FBP2: variants seen among roughly 807,000 people sequenced by gnomAD.
FBP2 encodes the protein fructose-bisphosphatase 2.
In FBP2, 27 loss-of-function variants were observed where a neutral mutation model predicts 31.6. The observed-to-expected ratio is 0.85, with a 90% CI of 0.63 to 1.18. The LOEUF is 1.18. Ranked by LOEUF, FBP2 falls within the 50% of genes most tolerant of loss-of-function variation. The pLI is 0.00. For synonymous variants in FBP2, 168 were observed against 179.8 expected (o/e 0.93, Z 0.53); for missense variants, 421 against 436.1 (o/e 0.97, Z 0.31).
intron 6 of FBP2, among the ~76,000 whole-genome samples, chr9:94,561,352 A>ACTT (rs1827097696): frequency 3.8e-4 from 21 of 54,990 alleles, no homozygotes; most frequent in Middle Eastern, 0.018. Context: ...TGTGACCTGT[A>ACTT]TTTTTTTTTT....
intron 3 of FBP2, among the ~76,000 whole-genome samples, chr9:94,582,972 G>A (rs1009152986): frequency 6.7e-6 from 1 of 150,034 alleles, no homozygotes; most frequent in Non-Finnish European, 1.5e-5. Context: ...TCCTGTCTCA[G>A]CCTCCTGAGT....
intron 1 of FBP2, among the ~76,000 whole-genome samples, chr9:94,587,949 C>G (rs539489717): frequency 6.6e-6 from 1 of 152,114 alleles, no homozygotes; most frequent in African/African-American, 2.4e-5. Flanking sequence ...CCTGGGCTCA[C>G]GCCGTTCTCC....
rs1174386595 is a variant in FBP2 at position 94,561,352 on chromosome 9, ATTTTTTTTTTTT to A, written c.825+1978_825+1989del. 5.5e-5 allele frequency among the ~76,000 whole-genome samples: 3 copies of A among 54,990 alleles called. 1 individual carries two copies. Among genetic ancestry groups the A allele is most frequent in the Middle Eastern group, 0.036 (2 of 56 alleles). The allele number at this position is 54,990 out of a possible 152,430, so 36.1% of individuals were successfully genotyped here. A position where few individuals can be genotyped will look rare whatever the true frequency, so the allele number is the denominator to read the frequency against. On this transcript the variant is annotated intron_variant, in intron 6 of 6. Transcript: ENST00000375337. ...GCAGGCCATGTGACATGTGACCTGT[ATTTTTTTTTTTT>A]TTTTTTTTTTTTTTTTGAGATGGAA...
chr9:94,560,586 A>G (rs1827082858), intron 6 of FBP2, among the ~76,000 whole-genome samples: 1 of 151,972 alleles, frequency 6.6e-6, no homozygotes, highest in African/African-American at 2.4e-5. Flanking sequence ...TGACCCAGCT[A>G]TGTGCAGCCT....
At chr9:94,572,283 T>C (rs1415610692) in intron 3 of FBP2, among the ~76,000 whole-genome samples, 1 of 152,104 alleles carries the variant, frequency 6.6e-6, no homozygotes, top group Admixed American at 6.6e-5. Flanking sequence ...ATGGGGACTC[T>C]TAGCTGCTAC....
Position 94,571,496 on chromosome 9 carries a change from G to A in FBP2, c.533C>T (p.Thr178Ile). 1.2e-6 allele frequency: 2 copies of A among 1,613,850 alleles called. No individual in the cohort carries two copies. Among genetic ancestry groups the A allele is most frequent in the Non-Finnish European group, 8.5e-7 (1 of 1,179,888 alleles). ...YGSATLVALS[T>I]GQGVDLFMLD... Reference sequence around the variant, plus strand: ...CATGAAGAGGTCCACGCCTTGCCCTGTGGAGAGAGCCACCAGGGTTGCACT... The same window carrying A: ...CATGAAGAGGTCCACGCCTTGCCCTATGGAGAGAGCCACCAGGGTTGCACT... The change falls in exon 4 of 7, where the codon ACA (threonine) becomes ATA (isoleucine). Residue 178 changes from threonine (T) to isoleucine (I), a missense_variant. Transcript: ENST00000375337.
chr9:94,568,682 CTG>C (rs1396078497), intron 4 of FBP2: 2 of 152,218 alleles, frequency 1.3e-5, no homozygotes, highest in Non-Finnish European at 2.9e-5. Flanking sequence ...AGAGGTGACA[CTG>C]TCCCTGTCAG....
intron 1 of FBP2, among the ~76,000 whole-genome samples, chr9:94,590,088 C>A (rs560580962): frequency 6.6e-6 from 1 of 152,136 alleles, no homozygotes; most frequent in East Asian, 1.9e-4. Context: ...CCCCTGCACC[C>A]TCTCTCCAGG....
At chr9:94,565,364 A>C (rs9657694) in intron 5 of FBP2, among the ~76,000 whole-genome samples, 17 of 117,118 alleles carry the variant, frequency 1.5e-4, no homozygotes, top group Non-Finnish European at 2.6e-4. Flanking sequence ...GCAAGACTCC[A>C]CCTCAAAAAA....
intron 1 of FBP2, among the ~76,000 whole-genome samples, chr9:94,591,286 C>T (rs879704576): frequency 6.6e-6 from 1 of 152,240 alleles, no homozygotes; most frequent in Non-Finnish European, 1.5e-5. Flanking sequence ...CGAGCCCTGC[C>T]CCGCGGGAAG....
chr9:94,568,376 T>C (rs1827224211), intron 4 of FBP2: 2 of 152,188 alleles, frequency 1.3e-5, no homozygotes, highest in South Asian at 2.1e-4. Context: ...CTGCAGGGCA[T>C]CTCTCAAATA....
At chr9:94,563,590 G>T in intron 5 of FBP2, 129 bp from the exon 6 acceptor site, 1 of 998,186 alleles carries the variant, frequency 1.0e-6, no homozygotes. Flanking sequence ...CACTAGTGTA[G>T]GAATTGAAAA....
In FBP2 at chr9:94,571,475, A is replaced by T; in HGVS notation, c.554T>A (p.Phe185Tyr). Residue 185 changes from phenylalanine (F) to tyrosine (Y), a missense_variant, in exon 4 of 7, where the codon TTC (phenylalanine) becomes TAC (tyrosine). Coordinates refer to ENST00000375337, the MANE Select transcript of FBP2 (RefSeq NM_003837.4). ...ALSTGQGVDL[F>Y]MLDPALGEFV... ...TTCTGTACCTACCGGGTCAAGCATG[A>T]AGAGGTCCACGCCTTGCCCTGTGGA... is the stretch of plus-strand genomic sequence containing the variant. 2 of 1,612,262 alleles carry T rather than the reference A, an allele frequency of 1.2e-6. No homozygotes were observed. Among genetic ancestry groups the T allele is most frequent in the Admixed American group, 1.7e-5 (1 of 59,908 alleles).
intron 3 of FBP2, among the ~76,000 whole-genome samples, chr9:94,572,702 CACACACACACAACACACACATGAGTTT>C (rs1302493074): frequency 2.0e-5 from 3 of 151,834 alleles, no homozygotes; most frequent in Non-Finnish European, 2.9e-5. Flanking sequence ...ATTTAATTCA[CACACACACACAACACACACATGAGTTT>C]ACACACACAC....
chr9:94,561,596 A>G (rs372353845), intron 6 of FBP2, among the ~76,000 whole-genome samples: 1 of 151,812 alleles, frequency 6.6e-6, no homozygotes, highest in Admixed American at 6.6e-5. Flanking sequence ...CGATCTTCTG[A>G]CCTCGTGATC....
chr9:94,587,993 C>T (rs1013249235), intron 1 of FBP2, among the ~76,000 whole-genome samples: 11 of 152,130 alleles, frequency 7.2e-5, no homozygotes, highest in African/African-American at 2.2e-4. Context: ...GGACTACAGG[C>T]GCCCGCCACC....
rs1441875270 is a variant in FBP2 at position 94,593,541 on chromosome 9, G to T, written c.170+16C>A. On this transcript the variant is annotated intron_variant, in intron 1 of 6. Coordinates refer to ENST00000375337, the MANE Select transcript of FBP2 (RefSeq NM_003837.4). ...CTGGGGTGCTCTGTGCCCCATGCCT[G>T]CTCCCCAGGACTCACAGGTGGGCCA... 1.2e-6 allele frequency: 2 copies of T among 1,607,148 alleles called. No individual in the cohort carries two copies.
At chr9:94,579,071 G>GAAAAAAAAAAAAAT (rs1564185245) in intron 3 of FBP2, among the ~76,000 whole-genome samples, 2 of 87,196 alleles carry the variant, frequency 2.3e-5, no homozygotes, top group African/African-American at 4.9e-5. Context: ...AAAAAAAAAG[G>GAAAAAAAAAAAAAT]TTATTTTAAA....
chr9:94,566,995 T>G (rs574705192), intron 5 of FBP2, among the ~76,000 whole-genome samples: 18 of 152,340 alleles, frequency 1.2e-4, no homozygotes, highest in African/African-American at 4.3e-4. Flanking sequence ...TGGCGTGAGC[T>G]CTGAATTTTG....
Sources: gnomAD v4.1 joint callset for allele counts (sites outside exome capture counted in the v4.1 genomes callset) on GRCh38, gnomAD v4.1.1 for gene constraint, MANE v1.5 for transcripts, NCBI Gene and HGNC (gene_info 2026-07-23, HGNC 2026-07-21) for gene names.